The following ARL15 variants were observed in gnomAD, a reference collection of about 807,000 sequenced individuals.
ARL15 encodes the protein ADP-ribosylation factor-like protein 15.
A neutral mutation model predicts 25.2 loss-of-function variants in ARL15; 19 were observed. The observed-to-expected ratio is 0.75, with a 90% confidence interval of 0.53 to 1.10. ARL15 has a LOEUF of 1.10. Among genes scored for constraint, ARL15 ranks in the 50% least tolerant of loss-of-function variants. The probability of loss-of-function intolerance (pLI) is 0.00; values close to 1 mark genes in which losing one functional copy is unlikely to be tolerated. For synonymous variants in ARL15, 94 were observed against 86.8 expected (o/e 1.08, Z -0.46); for missense variants, 220 against 246.0 (o/e 0.89, Z 0.71).
intron 1 of ARL15, among the ~76,000 whole-genome samples, chr5:54,197,919 C>G (rs935186954): frequency 4.6e-5 from 7 of 152,030 alleles, no homozygotes; most frequent in Non-Finnish European, 8.8e-5. Context: ...AAACCGAATC[C>G]AGCAGCATAT....
chr5:54,174,672 G>A (rs1047007253), intron 1 of ARL15, among the ~76,000 whole-genome samples: 1 of 152,078 alleles, frequency 6.6e-6, no homozygotes, highest in South Asian at 2.1e-4. Context: ...CATTCTAAAC[G>A]CCAACACATC....
intron 4 of ARL15, among the ~76,000 whole-genome samples, chr5:54,038,090 C>T (rs540202311): frequency 6.6e-6 from 1 of 151,886 alleles, no homozygotes; most frequent in Non-Finnish European, 1.5e-5. Context: ...ATTTAATGCC[C>T]AGTAATTTAT....
intron 4 of ARL15, among the ~76,000 whole-genome samples, chr5:53,920,790 C>G (rs1561150045): frequency 1.3e-5 from 2 of 152,174 alleles, no homozygotes; most frequent in African/African-American, 4.8e-5. Context: ...GGGCAAAAGG[C>G]TACACTACAA....
At chr5:54,003,660 CT>C (rs1561184550) in intron 4 of ARL15, among the ~76,000 whole-genome samples, 31 of 83,362 alleles carry the variant, frequency 3.7e-4, no homozygotes, top group Admixed American at 1.7e-3. Context: ...AAAATATTTT[CT>C]TTCTATCTAT....
chr5:54,231,819 A>G (rs541367153), intron 1 of ARL15, among the ~76,000 whole-genome samples: 25 of 152,280 alleles, frequency 1.6e-4, no homozygotes, highest in South Asian at 1.5e-3. Context: ...CACTAGTAGT[A>G]TCAGATTAGG....
chr5:53,947,752 T>A (rs1746797898), intron 4 of ARL15, among the ~76,000 whole-genome samples: 1 of 152,024 alleles, frequency 6.6e-6, no homozygotes, highest in South Asian at 2.1e-4. Flanking sequence ...TTCACCAACA[T>A]TAGAGAATGA....
At chr5:54,071,509 TTCCC>T (rs761312193) in intron 4 of ARL15, among the ~76,000 whole-genome samples, 7 of 28,380 alleles carry the variant, frequency 2.5e-4, no homozygotes, top group African/African-American at 3.8e-4. Flanking sequence ...TCCACCGCCT[TTCCC>T]CCCCCCCCCC....
At chr5:54,085,595 A>G (rs569183998) in intron 4 of ARL15, among the ~76,000 whole-genome samples, 2 of 152,296 alleles carry the variant, frequency 1.3e-5, no homozygotes, top group Admixed American at 1.3e-4. Flanking sequence ...TTTTATTAGT[A>G]TTGGTTTAAA....
At chr5:54,184,162 A>G (rs1206493903) in intron 1 of ARL15, among the ~76,000 whole-genome samples, 2 of 133,136 alleles carry the variant, frequency 1.5e-5, no homozygotes, top group African/African-American at 5.6e-5. Flanking sequence ...TGACGAATTA[A>G]TGGGTGCAGC....
intron 4 of ARL15, among the ~76,000 whole-genome samples, chr5:54,065,925 A>G (rs1751217295): frequency 6.6e-6 from 1 of 152,204 alleles, no homozygotes; most frequent in South Asian, 2.1e-4. Flanking sequence ...GATTACATAC[A>G]TGGCTCACAT....
chr5:54,247,009 C>A (rs188599062), intron 1 of ARL15, among the ~76,000 whole-genome samples: 84 of 152,106 alleles, frequency 5.5e-4, no homozygotes, highest in African/African-American at 1.9e-3. Flanking sequence ...TCCTTATCAG[C>A]AAAGACTGTA....
At chr5:54,273,919 C>T (rs1554052353) in intron 1 of ARL15, among the ~76,000 whole-genome samples, 1 of 152,114 alleles carries the variant, frequency 6.6e-6, no homozygotes, top group Non-Finnish European at 1.5e-5. Context: ...AATGACCAGG[C>T]AATTCTAAGA....
chr5:54,100,005 C>T (rs945503584), intron 4 of ARL15, among the ~76,000 whole-genome samples: 1 of 151,936 alleles, frequency 6.6e-6, no homozygotes, highest in Admixed American at 6.6e-5. Flanking sequence ...TGTGACCCCC[C>T]CGTAACTGCA....
At chr5:54,104,550 ATTAG>A (rs1752535216) in intron 4 of ARL15, among the ~76,000 whole-genome samples, 2 of 152,128 alleles carry the variant, frequency 1.3e-5, no homozygotes, top group East Asian at 1.9e-4. Flanking sequence ...AATTTATATA[ATTAG>A]TTATAGTTAT....
At chr5:54,006,962 A>G (rs1749065815) in intron 4 of ARL15, among the ~76,000 whole-genome samples, 1 of 152,094 alleles carries the variant, frequency 6.6e-6, no homozygotes, top group Non-Finnish European at 1.5e-5. Context: ...GTGGTGGTGC[A>G]TGCCTGTAAT....
At chr5:54,114,724 T>C (rs1449541380) in intron 3 of ARL15, among the ~76,000 whole-genome samples, 2 of 152,196 alleles carry the variant, frequency 1.3e-5, no homozygotes, top group Non-Finnish European at 2.9e-5. Context: ...GCAGACAACC[T>C]GCCCAGGGAA....
At chr5:54,212,444 C>G (rs1451531796) in intron 1 of ARL15, among the ~76,000 whole-genome samples, 1 of 152,084 alleles carries the variant, frequency 6.6e-6, no homozygotes, top group Non-Finnish European at 1.5e-5. Context: ...AGCAGACCCC[C>G]TCCCCCATAA....
chr5:54,211,737 G>T (rs1273623330), intron 1 of ARL15, among the ~76,000 whole-genome samples: 1 of 152,090 alleles, frequency 6.6e-6, no homozygotes, highest in Non-Finnish European at 1.5e-5. Flanking sequence ...CTCCCAAAGT[G>T]CTGGGATTAC....
intron 3 of ARL15, among the ~76,000 whole-genome samples, chr5:54,139,490 A>T (rs1206900290): frequency 6.6e-6 from 1 of 152,226 alleles, no homozygotes; most frequent in African/African-American, 2.4e-5. Context: ...ACAGAGTGGT[A>T]CAATGAACTT....
Sources: gnomAD v4.1 joint callset for allele counts (sites outside exome capture counted in the v4.1 genomes callset) on GRCh38, gnomAD v4.1.1 for gene constraint, MANE v1.5 for transcripts, NCBI Gene and HGNC (gene_info 2026-07-23, HGNC 2026-07-21) for gene names.